The following ZC3H13 variants were observed in gnomAD, a reference collection of about 807,000 sequenced individuals.
ZC3H13 encodes the protein zinc finger CCCH domain-containing protein 13.
A neutral mutation model predicts 204.1 loss-of-function variants in ZC3H13; 64 were observed. That is an observed-to-expected ratio of 0.31 (90% CI 0.26 to 0.39). ZC3H13 has a LOEUF of 0.39. Ranked by LOEUF, ZC3H13 falls within the 10% of genes least tolerant of loss-of-function variation. The pLI is 1.00. For synonymous variants in ZC3H13, 667 were observed against 693.7 expected, an observed-to-expected ratio of 0.96 and a Z score of 0.60; for missense variants, 1,833 against 2,082.7, an observed-to-expected ratio of 0.88 and a Z score of 2.33.
intron 4 of ZC3H13, among the ~76,000 whole-genome samples, chr13:46,035,797 T>A (rs978341472): frequency 6.6e-6 from 1 of 152,228 alleles, no homozygotes; most frequent in African/African-American, 2.4e-5. Flanking sequence ...GGTACATCTA[T>A]CCTACAAGTT....
Position 45,956,374 on chromosome 13 carries a change from A to G in ZC3H13, c.*753T>C. On this transcript the variant is annotated 3_prime_UTR_variant, in exon 19 of 19. Coordinates refer to ENST00000679008, the MANE Select transcript of ZC3H13 (RefSeq NM_001330564.2). ...CAGTAAAATATCTGAAGCATGAAAC[A>G]TGTAATGTTGATGACTAATGTTCTA... 1 of 152,320 alleles carries G rather than the reference A, an allele frequency of 6.6e-6. No homozygotes were observed. The highest frequency in any genetic ancestry group is 2.1e-4 in the South Asian group (1 of 4,834). The allele number at this position is 152,320 out of a possible 1,614,324, so 9.4% of individuals were successfully genotyped here. A position where few individuals can be genotyped will look rare whatever the true frequency, so the allele number is the denominator to read the frequency against.
intron 9 of ZC3H13, among the ~76,000 whole-genome samples, chr13:45,987,059 T>C (rs1408214745): frequency 6.6e-6 from 1 of 152,210 alleles, no homozygotes; most frequent in Non-Finnish European, 1.5e-5. Context: ...TGCCTGAAAA[T>C]GTGTTCACTT....
chr13:45,962,616 T>C, intron 17 of ZC3H13: 1 of 984,418 alleles, frequency 1.0e-6, no homozygotes, highest in Non-Finnish European at 1.2e-6. Flanking sequence ...ATGTATACTC[T>C]AGGTTTATTG....
At chr13:46,039,155 G>A (rs769856285) in intron 4 of ZC3H13, among the ~76,000 whole-genome samples, 15 of 152,148 alleles carry the variant, frequency 9.9e-5, no homozygotes, top group Non-Finnish European at 1.8e-4. Context: ...AGGTATACAC[G>A]ATGCTCAGTG....
chr13:45,964,012 G>A lies in ZC3H13; in HGVS notation c.4505C>T (p.Ser1502Phe). Residue 1502 changes from serine (S) to phenylalanine (F), a missense_variant, in exon 17 of 19, where the codon TCT (serine) becomes TTT (phenylalanine). By Grantham distance (155) the Ser-to-Phe change is radical. Coordinates refer to ENST00000679008, the MANE Select transcript of ZC3H13 (RefSeq NM_001330564.2). Reference protein sequence around the residue: ...DPLDVIDVDWSGLMPKHPKEP... With the variant: ...DPLDVIDVDWFGLMPKHPKEP... The stretch of plus-strand genomic sequence containing the variant: ...TTTTGGATGCTTTGGCATAAGACCA[G>A]ACCAATCCACATCTATCACATCTAA... 1.9e-6 allele frequency: 3 copies of A among 1,613,970 alleles called. No homozygotes were observed. The African/African-American group carries it at 4.0e-5, about 22-fold the overall frequency.
At chr13:46,009,935 A>G (rs1010099360) in intron 7 of ZC3H13, among the ~76,000 whole-genome samples, 1 of 152,166 alleles carries the variant, frequency 6.6e-6, no homozygotes. Context: ...ATGTATCAAT[A>G]TAAACATAAA....
intron 8 of ZC3H13, among the ~76,000 whole-genome samples, chr13:45,992,887 G>A (rs2138330406): frequency 6.6e-6 from 1 of 152,246 alleles, no homozygotes; most frequent in East Asian, 1.9e-4. Flanking sequence ...TCTGAATGGA[G>A]GCAGCTTTCT....
chr13:46,052,736 G>T lies in ZC3H13; in HGVS notation c.-342C>A. 2.5e-6 allele frequency: 1 copy of T among 397,680 alleles called. No homozygotes were observed. The highest frequency in any genetic ancestry group is 4.4e-6 in the Non-Finnish European group (1 of 225,590). 24.6% of individuals were successfully genotyped at this position (397,680 alleles called of 1,614,324 possible). A position where few individuals can be genotyped will look rare whatever the true frequency, so the allele number is the denominator to read the frequency against. The stretch of plus-strand genomic sequence containing the variant: ...GGACCGCCTCAAAATGCCGCCGGAA[G>T]TCAGAGGTTTGCCCTGTTCCTCTGT... On this transcript the variant is annotated 5_prime_UTR_variant, in exon 1 of 19. Coordinates refer to ENST00000679008, the MANE Select transcript of ZC3H13 (RefSeq NM_001330564.2).
chr13:45,983,710 A>G (rs1435534533), intron 10 of ZC3H13, among the ~76,000 whole-genome samples: 1 of 151,548 alleles, frequency 6.6e-6, no homozygotes, highest in Non-Finnish European at 1.5e-5. Flanking sequence ...TACAGGCGTG[A>G]GCCACCGCGC....
intron 8 of ZC3H13, among the ~76,000 whole-genome samples, chr13:45,997,139 T>A (rs771270918): frequency 7.9e-5 from 12 of 152,222 alleles, no homozygotes; most frequent in African/African-American, 2.9e-4. Context: ...TTGATCAACA[T>A]TGAATAAATA....
chr13:45,999,199 G>A (rs990470615), intron 8 of ZC3H13, among the ~76,000 whole-genome samples: 1 of 152,156 alleles, frequency 6.6e-6, no homozygotes, highest in Admixed American at 6.6e-5. Context: ...GAGCTGAGAT[G>A]GCGCCAGTGC....
intron 1 of ZC3H13, among the ~76,000 whole-genome samples, chr13:46,050,460 A>G (rs563401996): frequency 6.6e-6 from 1 of 152,308 alleles, no homozygotes; most frequent in Non-Finnish European, 1.5e-5. Context: ...AATCCGGATG[A>G]GTAGCGGCAT....
chr13:46,020,168 A>G (rs995377200), intron 5 of ZC3H13, among the ~76,000 whole-genome samples: 2 of 152,174 alleles, frequency 1.3e-5, no homozygotes, highest in Non-Finnish European at 2.9e-5. Context: ...TTAAATTTAC[A>G]TATGCAATAC....
intron 6 of ZC3H13, 105 bp downstream of exon 6, chr13:46,011,310 A>G: frequency 9.7e-7 from 1 of 1,031,876 alleles, no homozygotes; most frequent in South Asian, 2.0e-5. Context: ...TGATCAATAT[A>G]TCAGTATACT....
chr13:45,961,157 C>T (rs186939681), intron 17 of ZC3H13, among the ~76,000 whole-genome samples: 158 of 152,116 alleles, frequency 1.0e-3, no homozygotes, highest in Middle Eastern at 3.4e-3. Flanking sequence ...TTCAGATATA[C>T]CAATGTTTGT....
intron 4 of ZC3H13, among the ~76,000 whole-genome samples, chr13:46,029,674 C>T (rs1304720519): frequency 2.0e-5 from 3 of 151,646 alleles, no homozygotes; most frequent in Non-Finnish European, 2.9e-5. Flanking sequence ...GTGATCCGCC[C>T]GCCTCGGCCT....
rs2042158804 is a variant in ZC3H13, at chr13:46,020,507, A to G, written c.390T>C (p.Thr130=). ...RHREKEDIKI[T]KERTPESEEE... is the part of the protein sequence containing the mutation. ...CTTCACTTTCTGGAGTTCTTTCCTTAGTGATTTTTATGTCTTCCTTTTCCC... is the reference window on the plus strand; with the variant it reads ...CTTCACTTTCTGGAGTTCTTTCCTTGGTGATTTTTATGTCTTCCTTTTCCC... The change falls in exon 5 of 19, where the codon ACT becomes ACC. Residue 130 remains threonine (T), a synonymous_variant. Coordinates refer to ENST00000679008, the MANE Select transcript of ZC3H13 (RefSeq NM_001330564.2). The G allele has an allele frequency of 6.2e-7, 1 of 1,611,652 alleles. No individual in the cohort carries two copies. The highest frequency in any genetic ancestry group is 1.7e-5 in the Admixed American group (1 of 59,618).
At chr13:45,978,192 C>G (rs1348382806) in intron 11 of ZC3H13, among the ~76,000 whole-genome samples, 5 of 152,048 alleles carry the variant, frequency 3.3e-5, no homozygotes, top group Admixed American at 6.6e-5. Context: ...CTTTTATATA[C>G]AGTAGTAGCA....
At chr13:45,980,122 G>A (rs1220649313) in intron 10 of ZC3H13, 118 bp from the exon 11 acceptor site, 4 of 897,150 alleles carry the variant, frequency 4.5e-6, no homozygotes, top group African/African-American at 1.8e-5. Flanking sequence ...TCCAAAGTGT[G>A]GTAATCACTC....
Sources: allele counts gnomAD v4.1 joint callset (sites outside exome capture counted in the v4.1 genomes callset), GRCh38; gene constraint gnomAD v4.1.1; transcripts MANE v1.5; gene names NCBI Gene and HGNC (gene_info 2026-07-23, HGNC 2026-07-21).